IL17RD: variants seen among roughly 807,000 people sequenced by gnomAD.
IL17RD encodes the protein interleukin-17 receptor D.
A neutral mutation model predicts 80.5 loss-of-function variants in IL17RD; 52 were observed. The ratio of observed to expected loss-of-function variants is 0.65; its 90% CI spans 0.52 to 0.81. IL17RD has a LOEUF of 0.81. Ranked by LOEUF, IL17RD falls within the 40% of genes least tolerant of loss-of-function variation. The pLI is 0.00. For synonymous variants in IL17RD, 416 were observed against 391.8 expected (o/e 1.06, Z -0.73); for missense variants, 1,024 against 955.1 (o/e 1.07, Z -0.95).
chr3:57,149,709 A>G lies in IL17RD; in HGVS notation c.126+15452T>C, dbSNP rs4681962. On this transcript the variant is annotated intron_variant, in intron 1 of 12. Coordinates refer to ENST00000296318, the MANE Select transcript of IL17RD (RefSeq NM_017563.5). The stretch of plus-strand genomic sequence containing the variant: ...TGAATTGAACGGTGCTGGGAAGAAC[A>G]TTTTTTGTCACAGGAAGTTCTGTTG... 2.6e-3 allele frequency among the ~76,000 whole-genome samples: 403 copies of G among 152,304 alleles called. 1 individual carries two copies. The highest frequency in any genetic ancestry group is 9.1e-3 in the African/African-American group (380 of 41,566).
At chr3:57,122,183 G>GATT (rs1270699003) in intron 1 of IL17RD, among the ~76,000 whole-genome samples, 1 of 152,228 alleles carries the variant, frequency 6.6e-6, no homozygotes, top group Non-Finnish European at 1.5e-5. Flanking sequence ...GAGTAAGGAT[G>GATT]AATGAAGGAT....
chr3:57,111,884 C>T (rs1470175554), intron 3 of IL17RD, among the ~76,000 whole-genome samples: 1 of 151,410 alleles, frequency 6.6e-6, no homozygotes, highest in African/African-American at 2.4e-5. Flanking sequence ...ATGGTGTGAA[C>T]CTGGGAGGCG....
chr3:57,128,089 T>TCC (rs1707532248), intron 1 of IL17RD, among the ~76,000 whole-genome samples: 1 of 151,972 alleles, frequency 6.6e-6, no homozygotes, highest in Non-Finnish European at 1.5e-5. Context: ...GGAGCTGTTC[T>TCC]CTCTCTCTCT....
intron 1 of IL17RD, among the ~76,000 whole-genome samples, chr3:57,121,085 C>G (rs1385088560): frequency 6.6e-6 from 1 of 152,196 alleles, no homozygotes; most frequent in African/African-American, 2.4e-5. Context: ...GATCTACCAA[C>G]TCCAATTTAA....
At chr3:57,099,921 C>T (rs1311941687) in intron 11 of IL17RD, among the ~76,000 whole-genome samples, 3 of 152,070 alleles carry the variant, frequency 2.0e-5, no homozygotes, top group Non-Finnish European at 4.4e-5. Context: ...TTCAATCAGC[C>T]CCAAAGGCAA....
Position 57,105,939 on chromosome 3 carries a change from G to C in IL17RD, c.665C>G (p.Pro222Arg), listed in dbSNP as rs764856504. 2 of 1,613,796 alleles carry C rather than the reference G, an allele frequency of 1.2e-6. No homozygotes were observed. Among genetic ancestry groups the C allele is most frequent in the South Asian group, 2.2e-5 (2 of 91,066 alleles). Residue 222 changes from proline (P) to arginine (R), a missense_variant, in exon 7 of 13, where the codon CCG becomes CGG. Pro to Arg is a moderately radical substitution (Grantham distance 103, BLOSUM62 -2). Coordinates refer to ENST00000296318, the MANE Select transcript of IL17RD (RefSeq NM_017563.5). ...GAAGAAACGGAAGCCGAAGTTGTGC[G>C]GTGCATGGTCGAAGGACACCTGCAT... ...SDMQVSFDHA[P>R]HNFGFRFFYL...
Position 57,141,104 on chromosome 3 carries a change from G to A in IL17RD, c.127-20791C>T, listed in dbSNP as rs113883322. ...CTTTGTAGAGATGGGGTCTTGCTAT[G>A]TTGCCCTGGCTGGGCTGAAACTCCT... On this transcript the variant is annotated intron_variant, in intron 1 of 12. Transcript: ENST00000296318. Among the ~76,000 whole-genome samples the A allele has an allele frequency of 6.3e-3, 957 of 152,088 alleles. 11 individuals are homozygous for A. Among genetic ancestry groups the A allele is most frequent in the African/African-American group, 0.022 (911 of 41,466 alleles).
intron 1 of IL17RD, among the ~76,000 whole-genome samples, chr3:57,124,044 TCAAA>T (rs373033036): frequency 3.2e-4 from 49 of 152,168 alleles, no homozygotes; most frequent in South Asian, 2.3e-3. Flanking sequence ...AAACTCCATC[TCAAA>T]CAAACAAACA....
At chr3:57,101,794 T>C (rs1706837180) in intron 10 of IL17RD, among the ~76,000 whole-genome samples, 1 of 152,214 alleles carries the variant, frequency 6.6e-6, no homozygotes, top group Non-Finnish European at 1.5e-5. Context: ...TCAGTGAATT[T>C]TTATGGAAGT....
chr3:57,159,334 C>T (rs573405219), intron 1 of IL17RD, among the ~76,000 whole-genome samples: 2 of 152,306 alleles, frequency 1.3e-5, no homozygotes, highest in East Asian at 3.9e-4. Flanking sequence ...TGTGTCTTTT[C>T]AATCAGCCGG....
chr3:57,116,282 C>CTTTTT (rs66563028), intron 2 of IL17RD, among the ~76,000 whole-genome samples: 3 of 102,576 alleles, frequency 2.9e-5, no homozygotes, highest in East Asian at 2.3e-4. Context: ...TTTTTCTTTT[C>CTTTTT]TTTTTTTTTT....
intron 11 of IL17RD, 110 bp from the exon 12 acceptor site, chr3:57,098,648 A>T (rs1448354097): frequency 1.4e-6 from 1 of 727,174 alleles, no homozygotes; most frequent in Non-Finnish European, 2.3e-6. Flanking sequence ...CTGCCCCTTA[A>T]CCCTTATTAG....
intron 10 of IL17RD, 64 bp from the exon 11 acceptor site, chr3:57,101,427 T>G: frequency 1.8e-6 from 2 of 1,123,806 alleles, no homozygotes. Flanking sequence ...TTCCTAAGAA[T>G]TGAAACCCAG....
At chr3:57,105,552 A>AAAAAAAAAAAAAAAATATAT in intron 7 of IL17RD, among the ~76,000 whole-genome samples, 67 of 63,552 alleles carry the variant, frequency 1.1e-3, no homozygotes, top group Non-Finnish European at 1.2e-3. Context: ...AAAAAAAAAA[A>AAAAAAAAAAAAAAAATATAT]ATATATATAT....
At chr3:57,150,522 A>T (rs1295540477) in intron 1 of IL17RD, 2 of 152,214 alleles carry the variant, frequency 1.3e-5, no homozygotes, top group Non-Finnish European at 2.9e-5. Flanking sequence ...CCACATCAGA[A>T]ATAATTGTCT....
intron 1 of IL17RD, among the ~76,000 whole-genome samples, chr3:57,130,267 T>C (rs905303305): frequency 3.9e-5 from 6 of 152,182 alleles, no homozygotes; most frequent in Non-Finnish European, 8.8e-5. Context: ...TCCAAAGCCA[T>C]GTTTAGACAC....
At chr3:57,165,480 G>C (rs1450144058), upstream of IL17RD, 2 of 255,838 alleles carry the variant, frequency 7.8e-6, no homozygotes, top group Non-Finnish European at 1.2e-5. Context: ...TGGCCCTCCA[G>C]TTGTGGCCCT....
upstream of IL17RD, among the ~76,000 whole-genome samples, chr3:57,168,294 C>T (rs1337045361): frequency 6.6e-6 from 1 of 152,246 alleles, no homozygotes; most frequent in East Asian, 1.9e-4. Flanking sequence ...CAGAGCCCCA[C>T]TCCTGCTCCC....
chr3:57,102,912 G>A (rs780229812), intron 9 of IL17RD, among the ~76,000 whole-genome samples, 179 bp downstream of exon 9: 1 of 152,138 alleles, frequency 6.6e-6, no homozygotes, highest in Non-Finnish European at 1.5e-5. Flanking sequence ...ACACCAAACT[G>A]GCTTTAATCT....
Sources: allele counts gnomAD v4.1 joint callset (sites outside exome capture counted in the v4.1 genomes callset), GRCh38; gene constraint gnomAD v4.1.1; transcripts MANE v1.5; gene names NCBI Gene and HGNC (gene_info 2026-07-23, HGNC 2026-07-21).